P2RX1: variants seen among roughly 807,000 people sequenced by gnomAD.
P2RX1 encodes the protein P2X purinoceptor 1.
A neutral mutation model predicts 50.3 loss-of-function variants in P2RX1; 42 were observed. The ratio of observed to expected loss-of-function variants is 0.83; its 90% CI spans 0.65 to 1.08. The LOEUF (loss-of-function observed/expected upper bound fraction) is 1.08. P2RX1 is among the 50% of genes least tolerant of loss of function. The pLI, the probability that P2RX1 is intolerant of heterozygous loss-of-function variation, is 0.00. For missense variants in P2RX1, 449 were observed against 529.0 expected, an observed-to-expected ratio of 0.85 and a Z score of 1.48; for synonymous variants, 199 against 202.6, an observed-to-expected ratio of 0.98 and a Z score of 0.15.
Position 3,903,758 on chromosome 17 carries a change from G to T in P2RX1, c.525-127C>A. ...CGCCTGCAGCCCTGGGCTGGTGGAG[G>T]GGTGGGTGTGCTCTAGCGTGGCCAG... On this transcript the variant is annotated intron_variant, in intron 5 of 11. Transcript: ENST00000225538. This position sits in a 1 kb window ranked among gnomAD's most constrained non-coding sequence, Gnocchi z 4.6. The T allele has an allele frequency of 8.8e-7, 1 of 1,142,710 alleles. No individual in the cohort carries two copies. The highest frequency in any genetic ancestry group is 1.2e-5 in the South Asian group (1 of 80,084). 70.8% of individuals were successfully genotyped at this position (1,142,710 alleles called of 1,614,324 possible).
rs925445739 is a variant in P2RX1 at position 3,915,601 on chromosome 17, C to G, written c.137+488G>C. 33 of 457,018 alleles carry G rather than the reference C, an allele frequency of 7.2e-5. No homozygotes were observed. In the Admixed American group the frequency reaches 7.7e-4, roughly 11 times the overall value. The allele number at this position is 457,018 out of a possible 1,614,324, so 28.3% of individuals were successfully genotyped here. On this transcript the variant is annotated intron_variant, in intron 1 of 11. Transcript: ENST00000225538. ...AGGTATTCAGAATGTGAGAGTTTCT[C>G]TGCTCCGGGGGCCTCAAACGTCCCT... is the stretch of plus-strand genomic sequence containing the variant.
rs747018312 is a variant in P2RX1, at chr17:3,897,841, G to A, written c.1173C>T (p.Gly391=). 18 of 1,613,614 alleles carry A rather than the reference G, an allele frequency of 1.1e-5. No individual in the cohort carries two copies. The highest frequency in any genetic ancestry group is 1.5e-5 in the Non-Finnish European group (18 of 1,180,006). ...RDLAATSSTL[G]LQENMRTS ...AGGATGTCCTCATGTTCTCCTGCAGGCCCAGGGTGGAGCTGGTAGCTGCGA... is the reference window on the plus strand; with the variant it reads ...AGGATGTCCTCATGTTCTCCTGCAGACCCAGGGTGGAGCTGGTAGCTGCGA... The change falls in exon 12 of 12, where the codon GGC becomes GGT. Residue 391 remains glycine (G), a synonymous_variant. Coordinates refer to ENST00000225538, the MANE Select transcript of P2RX1 (RefSeq NM_002558.4).
rs377111311 is a variant in P2RX1, at chr17:3,905,226, T to C, written c.279A>G (p.Pro93=). 2.9e-5 allele frequency: 47 copies of C among 1,612,818 alleles called. No homozygotes were observed. The highest frequency in any genetic ancestry group is 3.8e-5 in the Non-Finnish European group (45 of 1,179,824). The change falls in exon 2 of 12, where the codon CCA becomes CCG. Residue 93 remains proline (P), a synonymous_variant. Transcript: ENST00000225538. ...QVWDVADYVF[P]AQGDNSFVVM... ...CAAACCTGAGCCAGCTCACCTGGGC[T>C]GGGAAGACGTAGTCAGCCACATCCC...
intron 7 of P2RX1, among the ~76,000 whole-genome samples, chr17:3,901,906 T>C (rs552162154): frequency 1.3e-3 from 203 of 152,170 alleles, no homozygotes; most frequent in African/African-American, 4.8e-3. Context: ...GCACCATTAT[T>C]GCCCCCCGTC....
chr17:3,916,014 G>A (rs946562918), intron 1 of P2RX1, 75 bp downstream of exon 1: 5 of 1,548,852 alleles, frequency 3.2e-6, no homozygotes, highest in African/African-American at 2.7e-5. Context: ...CTGGTGTCAC[G>A]CAAGGGATGT....
intron 1 of P2RX1, among the ~76,000 whole-genome samples, chr17:3,909,785 G>T (rs562877534): frequency 5.9e-5 from 9 of 151,926 alleles, no homozygotes; most frequent in Non-Finnish European, 1.2e-4. Context: ...CAAAAATCTC[G>T]CACCCAAGGG....
Position 3,898,955 on chromosome 17 carries a change from A to G in P2RX1, c.945T>C (p.Phe315=). The part of the protein sequence containing the change: ...RHLFKVFGIR[F]DILVDGKAGK... ...TCACCTTGCCGTCCACCAGGATGTC[A>G]AAGCGAATCCCAAACACCTTGAAGA... Residue 315 remains phenylalanine, a synonymous_variant, in exon 9 of 12, where the codon TTT becomes TTC. Transcript: ENST00000225538. 1 of 1,613,884 alleles carries G rather than the reference A, an allele frequency of 6.2e-7. No homozygotes were observed. The highest frequency in any genetic ancestry group is 2.2e-5 in the East Asian group (1 of 44,808).
At chr17:3,913,668 G>A (rs1329153062) in intron 1 of P2RX1, among the ~76,000 whole-genome samples, 1 of 152,168 alleles carries the variant, frequency 6.6e-6, no homozygotes, top group East Asian at 1.9e-4. Context: ...GTTGTGCTCT[G>A]GCGTTTGTCC....
intron 1 of P2RX1, 60 bp from the exon 2 acceptor site, chr17:3,905,427 G>A: frequency 5.1e-6 from 8 of 1,582,978 alleles, no homozygotes; most frequent in Middle Eastern, 1.7e-4. Flanking sequence ...CCTGTCACAC[G>A]CTTTCCCACG....
Position 3,903,899 on chromosome 17 carries a change from C to G in P2RX1, c.524+29G>C. Reference sequence around the variant, plus strand: ...CCTCTGTCTGGCCTGGGACCCTGTTCTTAGCTCTCTGGAAGGTCAGAGTGT... The same window carrying G: ...CCTCTGTCTGGCCTGGGACCCTGTTGTTAGCTCTCTGGAAGGTCAGAGTGT... On this transcript the variant is annotated intron_variant, in intron 5 of 11. Transcript: ENST00000225538. The surrounding 1 kb of genome is among the most constrained non-coding windows in gnomAD (Gnocchi z 4.6). 6.3e-7 allele frequency: 1 copy of G among 1,577,050 alleles called. No individual in the cohort carries two copies. Among genetic ancestry groups the G allele is most frequent in the Non-Finnish European group, 8.7e-7 (1 of 1,146,108 alleles).
At chr17:3,910,885 T>C (rs911282482) in intron 1 of P2RX1, among the ~76,000 whole-genome samples, 2 of 152,238 alleles carry the variant, frequency 1.3e-5, no homozygotes, top group Non-Finnish European at 2.9e-5. Flanking sequence ...GCTTGGCACA[T>C]AATAGGAACT....
intron 7 of P2RX1, among the ~76,000 whole-genome samples, chr17:3,902,026 T>C (rs1423221927): frequency 6.6e-6 from 1 of 152,232 alleles, no homozygotes; most frequent in Non-Finnish European, 1.5e-5. Context: ...TCTGCGCTCA[T>C]AGGGACTGCT....
intron 7 of P2RX1, among the ~76,000 whole-genome samples, chr17:3,902,539 G>T (rs187236004): frequency 6.2e-4 from 94 of 151,382 alleles, no homozygotes; most frequent in African/African-American, 2.2e-3. Flanking sequence ...CAGGTGATCC[G>T]CCCACCGTGG....
At chr17:3,901,971 C>T (rs1263213950) in intron 7 of P2RX1, among the ~76,000 whole-genome samples, 1 of 152,148 alleles carries the variant, frequency 6.6e-6, no homozygotes, top group Non-Finnish European at 1.5e-5. Flanking sequence ...TGAGTTCATA[C>T]TGCTCGTTTG....
At chr17:3,915,091 G>T (rs1402372030) in intron 1 of P2RX1, among the ~76,000 whole-genome samples, 1 of 152,130 alleles carries the variant, frequency 6.6e-6, no homozygotes, top group African/African-American at 2.4e-5. Context: ...GGAGGGTAGA[G>T]CTCTCAGAAT....
At chr17:3,908,010 A>G (rs2056297363) in intron 1 of P2RX1, among the ~76,000 whole-genome samples, 1 of 152,174 alleles carries the variant, frequency 6.6e-6, no homozygotes, top group Non-Finnish European at 1.5e-5. Context: ...CCTTTTCCCA[A>G]GAGACAGGGA....
At chr17:3,898,399 A>G in intron 10 of P2RX1, 85 bp downstream of exon 10, 1 of 1,073,116 alleles carries the variant, frequency 9.3e-7, no homozygotes, top group African/African-American at 1.6e-5. Flanking sequence ...GTCAAGTTTT[A>G]GGGTGAGGGA....
At chr17:3,913,194 C>A (rs12948248) in intron 1 of P2RX1, among the ~76,000 whole-genome samples, 30,962 of 147,970 alleles carry the variant, frequency 0.21, 3,551 homozygotes, top group East Asian at 0.33. Flanking sequence ...TGCAATGGGG[C>A]AATCTCAGCT....
Position 3,903,405 on chromosome 17 carries a change from C to A in P2RX1, c.606-62G>T. The A allele has an allele frequency of 6.2e-7, 1 of 1,610,306 alleles. No individual in the cohort carries two copies. The highest frequency in any genetic ancestry group is 1.1e-5 in the South Asian group (1 of 90,782). ...CATCCGGGAGGGTGCCCACCACGCC[C>A]CAAAGCCTGGGGACCCCTCACAGGC... On this transcript the variant is annotated intron_variant, in intron 6 of 11. Coordinates refer to ENST00000225538, the MANE Select transcript of P2RX1 (RefSeq NM_002558.4). The surrounding 1 kb of genome is among the most constrained non-coding windows in gnomAD (Gnocchi z 4.6).
Sources: gnomAD v4.1 joint callset for allele counts (sites outside exome capture counted in the v4.1 genomes callset) on GRCh38, gnomAD v4.1.1 for gene constraint, Gnocchi (gnomAD v3.1) non-coding constraint, MANE v1.5 for transcripts, NCBI Gene and HGNC (gene_info 2026-07-23, HGNC 2026-07-21) for gene names.